The following FER1L6 variants were observed in gnomAD, a reference collection of about 807,000 sequenced individuals.
The protein encoded by FER1L6 is fer-1-like protein 6.
In FER1L6, 177 loss-of-function variants were observed where a neutral mutation model predicts 219.2. That is an observed-to-expected ratio of 0.81 (90% CI 0.71 to 0.91). FER1L6 has a LOEUF of 0.91. FER1L6 is among the 40% of genes least tolerant of loss of function. FER1L6 has a pLI of 0.00. For synonymous variants in FER1L6, 768 were observed against 824.3 expected (o/e 0.93, Z 1.17); for missense variants, 2,153 against 2,259.9 (o/e 0.95, Z 0.96).
At chr8:124,098,442 C>T (rs1822403678) in intron 37 of FER1L6, among the ~76,000 whole-genome samples, 1 of 152,140 alleles carries the variant, frequency 6.6e-6, no homozygotes, top group African/African-American at 2.4e-5. Flanking sequence ...TAAAACCTCT[C>T]TCAGCCTTAT....
At chr8:124,013,117 G>A (rs1049894566) in intron 14 of FER1L6, among the ~76,000 whole-genome samples, 16 of 152,222 alleles carry the variant, frequency 1.1e-4, no homozygotes, top group African/African-American at 2.2e-4. Flanking sequence ...TATTTCCCAC[G>A]TTATTAGGTT....
chr8:124,031,191 C>T lies in FER1L6; in HGVS notation c.2287-4086C>T, dbSNP rs4382456. 6.5e-3 allele frequency among the ~76,000 whole-genome samples: 984 copies of T among 151,864 alleles called. 11 individuals are homozygous for T. The highest frequency in any genetic ancestry group is 0.023 in the African/African-American group (933 of 41,362). ...GCTTTCCCTTGGCCCTCTGAAGCTTCGCTGAAAAATCAATTCACAAAAGGT... is the reference window on the plus strand; with the variant it reads ...GCTTTCCCTTGGCCCTCTGAAGCTTTGCTGAAAAATCAATTCACAAAAGGT... On this transcript the variant is annotated intron_variant, in intron 18 of 40. Coordinates refer to ENST00000522917, the MANE Select transcript of FER1L6 (RefSeq NM_001039112.2).
rs559682636 is a variant in FER1L6, at chr8:123,912,218, A to G, written c.-7-43774A>G. On this transcript the variant is annotated intron_variant, in intron 1 of 40. Transcript: ENST00000522917. ...ATTAAACTGCAAGTTAGCTAATCTA[A>G]TAACCCATTCAAAAGATGAAGAAAC... is the stretch of plus-strand genomic sequence containing the variant. Among the ~76,000 whole-genome samples the G allele has an allele frequency of 2.0e-5, 3 of 152,252 alleles. No individual in the cohort carries two copies. The East Asian group carries it at 5.8e-4, about 29-fold the overall frequency.
chr8:123,969,148 T>C (rs967986298), intron 5 of FER1L6, among the ~76,000 whole-genome samples: 3 of 152,176 alleles, frequency 2.0e-5, no homozygotes, highest in African/African-American at 4.8e-5. Context: ...GACCCAACAA[T>C]AACTACCAAT....
chr8:124,095,905 GAGT>G (rs1822265216), intron 35 of FER1L6, among the ~76,000 whole-genome samples: 1 of 152,244 alleles, frequency 6.6e-6, no homozygotes, highest in South Asian at 2.1e-4. Flanking sequence ...TAATAGAGAT[GAGT>G]AGTAGTAGAG....
chr8:123,943,643 G>A (rs1371347219), intron 1 of FER1L6, among the ~76,000 whole-genome samples: 4 of 152,148 alleles, frequency 2.6e-5, no homozygotes, highest in Non-Finnish European at 4.4e-5. Flanking sequence ...GTGAGTATGA[G>A]TGCTTCTGGG....
chr8:124,005,046 ATCTGCTCAG>A (rs1817597127), intron 13 of FER1L6, among the ~76,000 whole-genome samples: 1 of 151,732 alleles, frequency 6.6e-6, no homozygotes, highest in Non-Finnish European at 1.5e-5. Flanking sequence ...TCCTACCTGC[ATCTGCTCAG>A]TGATGAAGCC....
intron 21 of FER1L6, chr8:124,047,734 A>T (rs1390757161): frequency 6.6e-6 from 1 of 152,218 alleles, no homozygotes; most frequent in Non-Finnish European, 1.5e-5. Flanking sequence ...GGAATATGAA[A>T]ATATGCACTT....
At chr8:124,021,528 A>G (rs1223294712) in intron 16 of FER1L6, 22 bp from the exon 17 acceptor site, 3 of 1,613,066 alleles carry the variant, frequency 1.9e-6, no homozygotes, top group African/African-American at 1.3e-5. Context: ...AAAGACCCAC[A>G]CTGACTCTTG....
At chr8:124,023,651 G>T in intron 18 of FER1L6, 55 bp downstream of exon 18, 9 of 1,577,594 alleles carry the variant, frequency 5.7e-6, no homozygotes, top group Non-Finnish European at 7.8e-6. Context: ...CTCTAGGGTG[G>T]CTCAGACTTT....
intron 1 of FER1L6, among the ~76,000 whole-genome samples, chr8:123,911,064 A>G (rs1241676831): frequency 1.3e-5 from 2 of 152,140 alleles, no homozygotes; most frequent in Non-Finnish European, 2.9e-5. Context: ...GACGATTATG[A>G]TGACAGTGAT....
At chr8:123,920,555 C>A (rs114837161) in intron 1 of FER1L6, among the ~76,000 whole-genome samples, 5 of 152,238 alleles carry the variant, frequency 3.3e-5, no homozygotes, top group Non-Finnish European at 7.3e-5. Context: ...GGGCCCACGT[C>A]TAGCCTGAGT....
At chr8:123,958,624 G>A (rs1815125779) in intron 2 of FER1L6, among the ~76,000 whole-genome samples, 1 of 151,958 alleles carries the variant, frequency 6.6e-6, no homozygotes, top group African/African-American at 2.4e-5. Context: ...ACCTTACTCT[G>A]ATTGTACCAT....
chr8:124,096,240 T>C (rs150160950), intron 35 of FER1L6, among the ~76,000 whole-genome samples: 17 of 152,352 alleles, frequency 1.1e-4, no homozygotes, highest in East Asian at 9.6e-4. Context: ...ATGTGGCTTT[T>C]TGATTAAGGA....
chr8:124,119,089 T>A, intron 40 of FER1L6, 145 bp downstream of exon 40: 1 of 653,904 alleles, frequency 1.5e-6, no homozygotes, highest in Non-Finnish European at 2.6e-6. Flanking sequence ...TTCCAACCTG[T>A]GTAGCTTTTC....
chr8:124,003,095 A>G (rs1396438765), intron 12 of FER1L6, 72 bp from the exon 13 acceptor site: 11 of 1,330,832 alleles, frequency 8.3e-6, no homozygotes, highest in Non-Finnish European at 1.1e-5. Context: ...ATGAGTTTGG[A>G]TCCTTTATGC....
In FER1L6 at chr8:124,035,471, G is replaced by A. The variant is rs1403382877; in HGVS notation, c.2464+17G>A. On this transcript the variant is annotated intron_variant, in intron 19 of 40. Coordinates refer to ENST00000522917, the MANE Select transcript of FER1L6 (RefSeq NM_001039112.2). ...TCTACCAAGGTAGGGTCCCCACTGG[G>A]CAAAGAGGGTCATTCGAGGTCTCAG... is the stretch of plus-strand genomic sequence containing the variant. 1 of 1,599,420 alleles carries A rather than the reference G, an allele frequency of 6.3e-7. No homozygotes were observed. The highest frequency in any genetic ancestry group is 8.5e-7 in the Non-Finnish European group (1 of 1,172,986).
intron 39 of FER1L6, among the ~76,000 whole-genome samples, chr8:124,109,869 C>T (rs915059099): frequency 1.1e-4 from 16 of 152,178 alleles, no homozygotes; most frequent in Admixed American, 5.9e-4. Flanking sequence ...TAGTAACAAG[C>T]GTTGCTAATA....
chr8:123,997,834 C>T (rs989325701), intron 12 of FER1L6, among the ~76,000 whole-genome samples: 4 of 152,152 alleles, frequency 2.6e-5, no homozygotes, highest in Non-Finnish European at 5.9e-5. Context: ...CATTTTTTAG[C>T]TCCAGAATTT....
Sources: allele counts gnomAD v4.1 joint callset (sites outside exome capture counted in the v4.1 genomes callset), GRCh38; gene constraint gnomAD v4.1.1; transcripts MANE v1.5; gene names NCBI Gene and HGNC (gene_info 2026-07-23, HGNC 2026-07-21).